The following SPTLC3 variants were observed in gnomAD, a reference collection of about 807,000 sequenced individuals.
SPTLC3 encodes serine palmitoyltransferase long chain base subunit 3.
In SPTLC3, 36 loss-of-function variants were observed where a neutral mutation model predicts 59.3. The observed-to-expected ratio is 0.61, with a 90% confidence interval of 0.47 to 0.80. The LOEUF is 0.80. Among genes scored for constraint, SPTLC3 ranks in the 30% least tolerant of loss-of-function variants. The pLI, the probability that SPTLC3 is intolerant of heterozygous loss-of-function variation, is 0.00. For synonymous variants in SPTLC3, 257 were observed against 240.8 expected (o/e 1.07, Z -0.62); for missense variants, 625 against 685.1 (o/e 0.91, Z 0.98).
chr20:13,103,576 C>T (rs1989704380), intron 6 of SPTLC3, among the ~76,000 whole-genome samples: 2 of 152,200 alleles, frequency 1.3e-5, no homozygotes, highest in Non-Finnish European at 2.9e-5. Flanking sequence ...AAGGGTGTCT[C>T]TAAATGCAGA....
At chr20:13,149,942 A>T (rs772653586) in intron 9 of SPTLC3, among the ~76,000 whole-genome samples, 9 of 152,202 alleles carry the variant, frequency 5.9e-5, no homozygotes, top group Non-Finnish European at 1.2e-4. Context: ...AAATCCTCCT[A>T]GTCTTCAAGG....
At chr20:13,150,935 C>T (rs141637190) in intron 9 of SPTLC3, among the ~76,000 whole-genome samples, 23 of 152,308 alleles carry the variant, frequency 1.5e-4, no homozygotes, top group African/African-American at 4.8e-4. Flanking sequence ...GGTCCAGTCT[C>T]CCTCTTATGA....
At chr20:13,080,792 A>G (rs536055831) in intron 4 of SPTLC3, among the ~76,000 whole-genome samples, 74 of 152,304 alleles carry the variant, frequency 4.9e-4, no homozygotes, top group Non-Finnish European at 8.1e-4. Context: ...TCTTTAAAAA[A>G]TGAATAAGTA....
intron 9 of SPTLC3, among the ~76,000 whole-genome samples, chr20:13,145,037 A>G (rs1002829978): frequency 2.6e-5 from 4 of 152,026 alleles, no homozygotes; most frequent in African/African-American, 9.7e-5. Flanking sequence ...AGCCTCCCAA[A>G]GTGCTGGGAT....
chr20:13,126,974 C>T (rs1181220600), intron 9 of SPTLC3, among the ~76,000 whole-genome samples: 2 of 152,352 alleles, frequency 1.3e-5, no homozygotes, highest in African/African-American at 4.8e-5. Flanking sequence ...TGAAATTAAG[C>T]AAATATTGTT....
intron 2 of SPTLC3, among the ~76,000 whole-genome samples, chr20:13,062,631 T>C (rs1294839250): frequency 6.6e-6 from 1 of 152,182 alleles, no homozygotes; most frequent in African/African-American, 2.4e-5. Context: ...AGCATTATTT[T>C]ATCTTTGTGC....
intron 1 of SPTLC3, among the ~76,000 whole-genome samples, chr20:13,018,569 A>T (rs1000126114): frequency 3.9e-5 from 6 of 152,220 alleles, no homozygotes; most frequent in Non-Finnish European, 7.3e-5. Context: ...TACATTGTCT[A>T]TGAAGAAATA....
At chr20:13,020,036 A>G (rs1985786615) in intron 1 of SPTLC3, among the ~76,000 whole-genome samples, 1 of 152,200 alleles carries the variant, frequency 6.6e-6, no homozygotes, top group Non-Finnish European at 1.5e-5. Flanking sequence ...TGGCTCTGAA[A>G]TTTTGTATAA....
chr20:13,037,029 T>A (rs1010957480), intron 1 of SPTLC3, among the ~76,000 whole-genome samples: 2 of 152,164 alleles, frequency 1.3e-5, no homozygotes, highest in African/African-American at 4.8e-5. Flanking sequence ...CATCTCTTCA[T>A]TCTACCATCT....
chr20:13,126,727 T>A lies in SPTLC3; in HGVS notation c.1279+10T>A, dbSNP rs756869920. 2.5e-6 allele frequency: 4 copies of A among 1,613,640 alleles called. No homozygotes were observed. The highest frequency in any genetic ancestry group is 1.7e-6 in the Non-Finnish European group (2 of 1,179,832). On this transcript the variant is annotated intron_variant, in intron 9 of 11. Transcript: ENST00000399002. ...GATGGGACCACTCAAGGTAAGAGGA[T>A]CTGCAGAGAGCACAGCTCCTGGACC...
chr20:13,154,680 T>A (rs2038724859), intron 10 of SPTLC3, among the ~76,000 whole-genome samples: 1 of 152,150 alleles, frequency 6.6e-6, no homozygotes. Context: ...GAGGCTCACA[T>A]TGAAGCTCAT....
intron 1 of SPTLC3, among the ~76,000 whole-genome samples, chr20:13,030,148 A>G (rs1986363622): frequency 6.6e-6 from 1 of 152,224 alleles, no homozygotes; most frequent in African/African-American, 2.4e-5. Flanking sequence ...CCCCACCCTC[A>G]TAATAACTCA....
chr20:13,067,110 T>C (rs974321559), intron 2 of SPTLC3, among the ~76,000 whole-genome samples: 2 of 84,034 alleles, frequency 2.4e-5, no homozygotes, highest in African/African-American at 9.0e-5. Flanking sequence ...TATGTATTCA[T>C]GTTCACCTAT....
chr20:13,085,940 G>A (rs1008231523), intron 4 of SPTLC3, among the ~76,000 whole-genome samples: 6 of 151,954 alleles, frequency 3.9e-5, no homozygotes, highest in African/African-American at 1.5e-4. Context: ...TGGACCACCA[G>A]GACAAAAATA....
At chr20:13,137,426 G>T (rs1435133235) in intron 9 of SPTLC3, among the ~76,000 whole-genome samples, 1 of 152,116 alleles carries the variant, frequency 6.6e-6, no homozygotes, top group African/African-American at 2.4e-5. Context: ...TTCTTGAACT[G>T]CAGAAGTGAT....
chr20:13,102,511 C>T (rs1478295948), intron 6 of SPTLC3, among the ~76,000 whole-genome samples: 1 of 152,172 alleles, frequency 6.6e-6, no homozygotes, highest in African/African-American at 2.4e-5. Context: ...TTAAGCATGA[C>T]ACGCTACCTC....
intron 9 of SPTLC3, among the ~76,000 whole-genome samples, chr20:13,148,874 G>T (rs1192924123): frequency 2.0e-5 from 3 of 152,170 alleles, no homozygotes; most frequent in Non-Finnish European, 4.4e-5. Flanking sequence ...GCAGAAAATG[G>T]CAATTCCCCT....
Position 13,009,349 on chromosome 20 carries a change from A to C in SPTLC3, c.82A>C (p.Asn28His), listed in dbSNP as rs1269316878. 1 of 1,614,096 alleles carries C rather than the reference A, an allele frequency of 6.2e-7. No individual in the cohort carries two copies. Among genetic ancestry groups the C allele is most frequent in the Non-Finnish European group, 8.5e-7 (1 of 1,179,980 alleles). The part of the protein sequence containing the change: ...KKQSNGSQSR[N>H]CTKNGIVKEA... ...ACAGAGCAATGGCTCACAAAGCAGA[A>C]ACTGCACAAAGAATGGAATAGTGAA... The change falls in exon 1 of 12, where the codon AAC (asparagine) becomes CAC (histidine). Residue 28 changes from asparagine (N) to histidine (H), a missense_variant. Transcript: ENST00000399002.
intron 3 of SPTLC3, 123 bp downstream of exon 3, chr20:13,072,533 T>A: frequency 2.7e-6 from 3 of 1,113,240 alleles, no homozygotes; most frequent in Non-Finnish European, 2.5e-6. Flanking sequence ...GTATCATTTA[T>A]GCCTTTGCAA....
Sources: gnomAD v4.1 joint callset for allele counts (sites outside exome capture counted in the v4.1 genomes callset) on GRCh38, gnomAD v4.1.1 for gene constraint, MANE v1.5 for transcripts, NCBI Gene and HGNC (gene_info 2026-07-23, HGNC 2026-07-21) for gene names.